LAMA3: variants seen among roughly 807,000 people sequenced by gnomAD.
The protein encoded by LAMA3 is laminin subunit alpha 3.
LAMA3 carries 281 observed loss-of-function variants against 402.0 expected under a neutral mutation model. The observed-to-expected ratio is 0.70, with a 90% CI of 0.63 to 0.77. The LOEUF (loss-of-function observed/expected upper bound fraction) is 0.77. Ranked by LOEUF, LAMA3 falls within the 30% of genes least tolerant of loss-of-function variation. LAMA3 has a pLI of 0.00. For missense variants in LAMA3, 3,840 were observed against 4,215.5 expected (o/e 0.91, Z 2.47); for synonymous variants, 1,431 against 1,558.4 (o/e 0.92, Z 1.93).
At chr18:23,764,593 A>G (rs1326193408) in intron 8 of LAMA3, among the ~76,000 whole-genome samples, 1 of 151,806 alleles carries the variant, frequency 6.6e-6, no homozygotes, top group Admixed American at 6.6e-5. Context: ...GGTCTGCAAA[A>G]ACATTTTTTT....
intron 12 of LAMA3, among the ~76,000 whole-genome samples, chr18:23,801,883 A>G (rs2062871888): frequency 6.6e-6 from 1 of 152,124 alleles, no homozygotes; most frequent in Non-Finnish European, 1.5e-5. Flanking sequence ...CTTTTAAATC[A>G]CATTATTTGA....
rs773084850 is a variant in LAMA3, at chr18:23,928,756, T to C, written c.8427T>C (p.His2809=). 6.2e-7 allele frequency: 1 copy of C among 1,613,942 alleles called. No homozygotes were observed. The highest frequency in any genetic ancestry group is 1.1e-5 in the South Asian group (1 of 91,076). ...TFQPSGILLD[H]QTWTRNLQVT... is the part of the protein sequence containing the mutation. ...AACCCAGTGGCATATTATTAGATCA[T>C]CAGACATGGGTATGCAGTAGTGCAT... Residue 2809 remains histidine (H), a synonymous_variant, in exon 64 of 75, where the codon CAT becomes CAC. Transcript: ENST00000313654.
chr18:23,935,550 T>C (rs1424077387), intron 67 of LAMA3, among the ~76,000 whole-genome samples: 1 of 152,214 alleles, frequency 6.6e-6, no homozygotes, highest in Non-Finnish European at 1.5e-5. Flanking sequence ...AGTACTGGAC[T>C]CTGGAGTCAG....
chr18:23,770,470 A>G (rs1315824689), intron 8 of LAMA3, among the ~76,000 whole-genome samples: 1 of 152,096 alleles, frequency 6.6e-6, no homozygotes, highest in Non-Finnish European at 1.5e-5. Flanking sequence ...TACATCAAAG[A>G]GCTTAACAAG....
intron 25 of LAMA3, among the ~76,000 whole-genome samples, chr18:23,837,508 T>C (rs1157813191): frequency 7.1e-6 from 1 of 140,182 alleles, no homozygotes; most frequent in Non-Finnish European, 1.5e-5. Context: ...TTAAAGCTTA[T>C]AATTACCTAG....
chr18:23,754,243 G>T (rs1222725796), intron 6 of LAMA3, among the ~76,000 whole-genome samples: 1 of 152,164 alleles, frequency 6.6e-6, no homozygotes, highest in Non-Finnish European at 1.5e-5. Flanking sequence ...TTCAGTAGTG[G>T]TAACTATGTT....
chr18:23,771,973 G>A (rs2062207809), intron 8 of LAMA3, among the ~76,000 whole-genome samples: 1 of 151,940 alleles, frequency 6.6e-6, no homozygotes, highest in Non-Finnish European at 1.5e-5. Context: ...GATGCATGAA[G>A]ATACTTTATC....
intron 25 of LAMA3, among the ~76,000 whole-genome samples, chr18:23,837,929 A>G (rs1212705263): frequency 6.6e-6 from 1 of 152,188 alleles, no homozygotes. Context: ...TTAAAAAATT[A>G]TAATTATAAA....
chr18:23,737,826 C>A (rs1179035547), intron 2 of LAMA3, among the ~76,000 whole-genome samples: 1 of 152,230 alleles, frequency 6.6e-6, no homozygotes, highest in Non-Finnish European at 1.5e-5. Flanking sequence ...TTTAATCACT[C>A]TTGTGAGGAG....
intron 38 of LAMA3, chr18:23,873,170 T>C (rs868641683): frequency 6.2e-7 from 1 of 1,614,248 alleles, no homozygotes; most frequent in African/African-American, 1.3e-5. Flanking sequence ...AGCCTCCCGG[T>C]CAAAGTCAAC....
chr18:23,857,718 C>G, intron 32 of LAMA3, 126 bp from the exon 33 acceptor site: 2 of 1,193,578 alleles, frequency 1.7e-6, no homozygotes, highest in Admixed American at 1.7e-5. Context: ...CTGCCTTGGA[C>G]TATAAGCAGG....
At chr18:23,755,236 C>T (rs1172612127) in intron 6 of LAMA3, among the ~76,000 whole-genome samples, 2 of 152,156 alleles carry the variant, frequency 1.3e-5, no homozygotes, top group African/African-American at 4.8e-5. Flanking sequence ...GAGTACACGC[C>T]ATCACAGAGG....
At chr18:23,777,672 CT>C (rs780839248) in intron 11 of LAMA3, 53 bp downstream of exon 11, 1 of 1,286,352 alleles carries the variant, frequency 7.8e-7, no homozygotes, top group South Asian at 1.2e-5. Flanking sequence ...TGCCCTTATT[CT>C]TTTCCTACTT....
At chr18:23,797,508 G>A (rs974358449) in intron 12 of LAMA3, among the ~76,000 whole-genome samples, 6 of 152,216 alleles carry the variant, frequency 3.9e-5, no homozygotes, top group Non-Finnish European at 1.5e-5. Context: ...GAGGTCAGGA[G>A]TTCTAGACCA....
At chr18:23,937,721 G>A (rs1049788771) in intron 67 of LAMA3, among the ~76,000 whole-genome samples, 2 of 152,206 alleles carry the variant, frequency 1.3e-5, no homozygotes, top group Non-Finnish European at 2.9e-5. Context: ...AGGAGCCCAG[G>A]CTGGGTTTTA....
chr18:23,861,879 G>GA (rs906887063), intron 35 of LAMA3, 72 bp downstream of exon 35: 12 of 1,472,676 alleles, frequency 8.1e-6, no homozygotes, highest in African/African-American at 2.8e-5. Flanking sequence ...TCATTTCCTG[G>GA]AAATCTGGAA....
intron 29 of LAMA3, among the ~76,000 whole-genome samples, chr18:23,843,430 G>T (rs1345483526): frequency 6.6e-6 from 1 of 152,140 alleles, no homozygotes. Flanking sequence ...TTCTCTAGCA[G>T]CTCTGCTCCC....
Sources: allele counts gnomAD v4.1 joint callset (sites outside exome capture counted in the v4.1 genomes callset), GRCh38; gene constraint gnomAD v4.1.1; transcripts MANE v1.5; gene names NCBI Gene and HGNC (gene_info 2026-07-23, HGNC 2026-07-21).